The following KIAA1671 variants were observed in gnomAD, a reference collection of about 807,000 sequenced individuals.
KIAA1671 encodes the protein KIAA1671, also known as uncharacterized protein KIAA1671.
A neutral mutation model predicts 131.2 loss-of-function variants in KIAA1671; 52 were observed. The ratio of observed to expected loss-of-function variants is 0.40; its 90% CI spans 0.32 to 0.50. KIAA1671 has a LOEUF of 0.50. Ranked by LOEUF, KIAA1671 falls within the 20% of genes least tolerant of loss-of-function variation. The pLI is 0.73. For synonymous variants in KIAA1671, 1,003 were observed against 961.6 expected (o/e 1.04, Z -0.80); for missense variants, 2,360 against 2,364.2 (o/e 1.00, Z 0.04).
intron 6 of KIAA1671, among the ~76,000 whole-genome samples, chr22:25,093,834 G>GTCTCTCTCTC (rs1568951583): frequency 5.9e-5 from 1 of 16,958 alleles, no homozygotes; most frequent in African/African-American, 3.3e-4. Context: ...TTCTCTCTCT[G>GTCTCTCTCTC]TCTGTCTCTC....
In KIAA1671 at chr22:25,125,415, G is replaced by C. The variant is rs73401833; in HGVS notation, c.4531-45405G>C. 1.4e-3 allele frequency among the ~76,000 whole-genome samples: 207 copies of C among 152,294 alleles called. 1 individual carries two copies. The highest frequency in any genetic ancestry group is 4.5e-3 in the African/African-American group (187 of 41,558). On this transcript the variant is annotated intron_variant, in intron 6 of 12. Transcript: ENST00000358431. ...GACTTGGGGAGAGGTGAGTTGCCCA[G>C]AGTCACCTAGTTCATAGTCGACCAA...
At chr22:25,169,717 G>A (rs1933776108) in intron 6 of KIAA1671, among the ~76,000 whole-genome samples, 1 of 152,200 alleles carries the variant, frequency 6.6e-6, no homozygotes, top group Non-Finnish European at 1.5e-5. Flanking sequence ...GCCAGGCTTG[G>A]CCCTGTGGTC....
intron 1 of KIAA1671, among the ~76,000 whole-genome samples, chr22:25,007,370 C>G (rs541051021): frequency 6.6e-6 from 1 of 152,122 alleles, no homozygotes; most frequent in South Asian, 2.1e-4. Flanking sequence ...CCTGTAGTCT[C>G]AGCTACTGGG....
intron 1 of KIAA1671, among the ~76,000 whole-genome samples, chr22:24,987,272 G>T (rs954927655): frequency 6.6e-6 from 1 of 151,414 alleles, no homozygotes; most frequent in African/African-American, 2.4e-5. Context: ...CCAGGTTCAC[G>T]TCATTCTCCT....
intron 4 of KIAA1671, among the ~76,000 whole-genome samples, chr22:25,036,193 G>A (rs1448259031): frequency 2.0e-5 from 3 of 152,102 alleles, no homozygotes; most frequent in African/African-American, 7.2e-5. Context: ...CGATTCTCCT[G>A]CCTCAGCCTC....
Position 25,040,174 on chromosome 22 carries a change from T to C in KIAA1671, c.3044T>C (p.Val1015Ala). 2 of 1,551,598 alleles carry C rather than the reference T, an allele frequency of 1.3e-6. No homozygotes were observed. Among genetic ancestry groups the C allele is most frequent in the East Asian group, 2.4e-5 (1 of 40,894 alleles). ...TCACGGGACCAGACTTCCCCAGCAGTGAAGCAAGGGTCACCTGTGGAACCC... is the reference window on the plus strand; with the variant it reads ...TCACGGGACCAGACTTCCCCAGCAGCGAAGCAAGGGTCACCTGTGGAACCC... ...GASRDQTSPA[V>A]KQGSPVEPKA... The change falls in exon 5 of 13, where the codon GTG (valine) becomes GCG (alanine). Residue 1015 changes from valine (V) to alanine (A), a missense_variant. Coordinates refer to ENST00000358431, the MANE Select transcript of KIAA1671 (RefSeq NM_001145206.2).
chr22:25,069,495 C>G (rs976900584), intron 6 of KIAA1671, among the ~76,000 whole-genome samples: 2 of 152,216 alleles, frequency 1.3e-5, no homozygotes, highest in African/African-American at 4.8e-5. Flanking sequence ...TGCCAGCACC[C>G]CACTCCCCAT....
chr22:25,175,681 T>C (rs1187316066), intron 8 of KIAA1671: 2 of 152,228 alleles, frequency 1.3e-5, no homozygotes, highest in African/African-American at 2.4e-5. Context: ...CGCTAAGTGG[T>C]TCCTTCTTGA....
intron 6 of KIAA1671, among the ~76,000 whole-genome samples, chr22:25,150,381 A>C (rs1307386366): frequency 6.6e-6 from 1 of 152,168 alleles, no homozygotes; most frequent in African/African-American, 2.4e-5. Context: ...GGTCCTGAGA[A>C]AGTGACTTAC....
chr22:25,037,933 A>C (rs1926705586), intron 4 of KIAA1671, among the ~76,000 whole-genome samples: 1 of 151,974 alleles, frequency 6.6e-6, no homozygotes, highest in African/African-American at 2.4e-5. Flanking sequence ...TCCGCCCTCC[A>C]GGTTCAAGCA....
chr22:25,008,197 C>CA (rs34995094), intron 1 of KIAA1671, among the ~76,000 whole-genome samples: 26 of 72,724 alleles, frequency 3.6e-4, no homozygotes, highest in African/African-American at 5.2e-4. Context: ...GACTCCGTCG[C>CA]AAAAAAAAAA....
At chr22:25,187,811 T>C (rs1431561363) in intron 11 of KIAA1671, among the ~76,000 whole-genome samples, 1 of 152,206 alleles carries the variant, frequency 6.6e-6, no homozygotes, top group Non-Finnish European at 1.5e-5. Flanking sequence ...CTTTATTGTT[T>C]TTTATTAAAA....
chr22:25,096,238 G>C (rs1930383248), intron 6 of KIAA1671, among the ~76,000 whole-genome samples: 1 of 152,198 alleles, frequency 6.6e-6, no homozygotes, highest in African/African-American at 2.4e-5. Flanking sequence ...AGTGCTTGTG[G>C]CTGTTTGGCA....
intron 1 of KIAA1671, among the ~76,000 whole-genome samples, chr22:25,009,462 G>A (rs1283624589): frequency 1.3e-5 from 2 of 150,612 alleles, no homozygotes; most frequent in East Asian, 2.0e-4. Flanking sequence ...ATGGGGTTTC[G>A]CTATGTTGGC....
At chr22:25,156,705 A>G (rs1270720384) in intron 6 of KIAA1671, among the ~76,000 whole-genome samples, 1 of 152,080 alleles carries the variant, frequency 6.6e-6, no homozygotes, top group Non-Finnish European at 1.5e-5. Context: ...ATATACATGT[A>G]TGTGTGGATC....
chr22:25,091,570 T>G (rs1365861260), intron 6 of KIAA1671, among the ~76,000 whole-genome samples: 2 of 152,210 alleles, frequency 1.3e-5, no homozygotes, highest in Non-Finnish European at 2.9e-5. Context: ...TCAGCAGAGA[T>G]AGAAATCTGA....
chr22:24,965,678 T>C (rs1922261952), intron 1 of KIAA1671, among the ~76,000 whole-genome samples: 1 of 146,594 alleles, frequency 6.8e-6, no homozygotes, highest in Non-Finnish European at 1.5e-5. Flanking sequence ...AGGTGGAGGT[T>C]GCAGTGAGCC....
intron 6 of KIAA1671, among the ~76,000 whole-genome samples, chr22:25,067,795 G>T (rs1175688043): frequency 6.6e-6 from 1 of 152,194 alleles, no homozygotes; most frequent in Non-Finnish European, 1.5e-5. Flanking sequence ...GTCAGCCAAG[G>T]GGTGTCAGAA....
rs1404574255 is a variant in KIAA1671 at position 25,040,780 on chromosome 22, G to A, written c.3650G>A (p.Gly1217Glu). 2.8e-5 allele frequency: 43 copies of A among 1,551,654 alleles called. No homozygotes were observed. Among genetic ancestry groups the A allele is most frequent in the Non-Finnish European group, 3.7e-5 (43 of 1,147,024 alleles). The part of the protein sequence containing the change: ...EYQELSLKVP[G>E]EAQERRSPTV... ...CAGGAGCTGTCGCTGAAAGTCCCTGGGGAGGCTCAGGAGAGGAGGAGTCCC... is the reference window on the plus strand; with the variant it reads ...CAGGAGCTGTCGCTGAAAGTCCCTGAGGAGGCTCAGGAGAGGAGGAGTCCC... Residue 1217 changes from glycine to glutamate, a missense_variant, in exon 5 of 13, where the codon GGG (glycine) becomes GAG (glutamate). Gly to Glu is a moderately conservative substitution (Grantham distance 98, BLOSUM62 -2). Coordinates refer to ENST00000358431, the MANE Select transcript of KIAA1671 (RefSeq NM_001145206.2).
Sources: allele counts gnomAD v4.1 joint callset (sites outside exome capture counted in the v4.1 genomes callset), GRCh38; gene constraint gnomAD v4.1.1; transcripts MANE v1.5; gene names NCBI Gene and HGNC (gene_info 2026-07-23, HGNC 2026-07-21).